The following WARS2 variants were observed in gnomAD, a reference collection of about 807,000 sequenced individuals.
WARS2 encodes tryptophanyl tRNA synthetase 2, mitochondrial, also known as tryptophan--tRNA ligase, mitochondrial.
Under a neutral mutation model 36.5 loss-of-function variants are expected in WARS2, and 28 were observed. That is an observed-to-expected ratio of 0.77 (90% CI 0.57 to 1.05). The LOEUF is 1.05. Ranked by LOEUF, WARS2 falls within the 50% of genes least tolerant of loss-of-function variation. The pLI is 0.00. For missense variants in WARS2, 435 were observed against 456.8 expected, an observed-to-expected ratio of 0.95 and a Z score of 0.44; for synonymous variants, 174 against 178.4, an observed-to-expected ratio of 0.98 and a Z score of 0.20.
At chr1:119,051,187 C>T (rs1018876246) in intron 2 of WARS2, among the ~76,000 whole-genome samples, 4 of 152,032 alleles carry the variant, frequency 2.6e-5, no homozygotes, top group Admixed American at 6.6e-5. Context: ...TCCTCCCATT[C>T]GACACCCTTA....
At chr1:119,123,562 GTTT>G (rs1655463601) in intron 1 of WARS2, among the ~76,000 whole-genome samples, 1 of 149,254 alleles carries the variant, frequency 6.7e-6, no homozygotes, top group Non-Finnish European at 1.5e-5. Flanking sequence ...AGGGGAGGGT[GTTT>G]TTGACTGTGT....
chr1:119,127,497 A>G (rs12133275), intron 1 of WARS2, among the ~76,000 whole-genome samples: 47,817 of 152,114 alleles, frequency 0.31, 9,517 homozygotes, highest in East Asian at 0.52. Context: ...AAAATGAGGT[A>G]CAGAGAGGCT....
chr1:119,042,461 C>G (rs1367815046), intron 3 of WARS2, 112 bp from the exon 4 acceptor site: 25 of 893,078 alleles, frequency 2.8e-5, no homozygotes, highest in Non-Finnish European at 4.5e-5. Context: ...CTGAAGCCAC[C>G]TGTAATAACA....
chr1:119,070,058 T>C (rs1557958659), intron 2 of WARS2, among the ~76,000 whole-genome samples: 1 of 152,226 alleles, frequency 6.6e-6, no homozygotes, highest in South Asian at 2.1e-4. Context: ...CTTAGGCAGC[T>C]AATGAAAAAG....
At chr1:119,129,541 T>C (rs1301510017) in intron 1 of WARS2, among the ~76,000 whole-genome samples, 3 of 151,782 alleles carry the variant, frequency 2.0e-5, no homozygotes, top group Non-Finnish European at 4.4e-5. Flanking sequence ...AGACCTTGTG[T>C]TTAATAAAAA....
At chr1:119,110,263 A>AT (rs1409188652) in intron 1 of WARS2, among the ~76,000 whole-genome samples, 1 of 152,042 alleles carries the variant, frequency 6.6e-6, no homozygotes, top group Non-Finnish European at 1.5e-5. Flanking sequence ...TTTCAGACCT[A>AT]TATCAATTTC....
intron 2 of WARS2, among the ~76,000 whole-genome samples, chr1:119,046,471 C>T (rs561893642): frequency 2.0e-5 from 3 of 151,520 alleles, no homozygotes; most frequent in African/African-American, 7.3e-5. Context: ...CCTCAGCCTC[C>T]TGAGTAGCTG....
At chr1:119,092,445 C>T (rs1653112157) in intron 1 of WARS2, among the ~76,000 whole-genome samples, 1 of 152,168 alleles carries the variant, frequency 6.6e-6, no homozygotes, top group Non-Finnish European at 1.5e-5. Flanking sequence ...CTTACTATCA[C>T]CTGTCTTACT....
chr1:119,085,816 G>A, intron 1 of WARS2: 1 of 1,609,772 alleles, frequency 6.2e-7, no homozygotes, highest in Admixed American at 1.7e-5. Flanking sequence ...CCTTCAGTCA[G>A]CTCATAAGGA....
At chr1:119,087,927 A>G (rs1652788961) in intron 1 of WARS2, among the ~76,000 whole-genome samples, 2 of 152,182 alleles carry the variant, frequency 1.3e-5, no homozygotes, top group Non-Finnish European at 2.9e-5. Context: ...CAGTAGCATC[A>G]TGGCTTGGGA....
At chr1:119,095,729 C>T (rs752735227) in intron 1 of WARS2, among the ~76,000 whole-genome samples, 8 of 152,186 alleles carry the variant, frequency 5.3e-5, no homozygotes, top group Non-Finnish European at 8.8e-5. Flanking sequence ...CTGCACCCAG[C>T]CAGTAGTCCA....
chr1:119,118,379 C>T (rs1321911113), intron 1 of WARS2, among the ~76,000 whole-genome samples: 1 of 151,456 alleles, frequency 6.6e-6, no homozygotes, highest in East Asian at 1.9e-4. Flanking sequence ...CCAACAAAGA[C>T]AAAGAAAAAA....
chr1:119,136,830 A>G (rs1020838214), intron 1 of WARS2, among the ~76,000 whole-genome samples: 11 of 152,230 alleles, frequency 7.2e-5, no homozygotes, highest in Admixed American at 2.6e-4. Context: ...ACCAAAGACT[A>G]TTTCTTCACG....
chr1:119,103,354 C>T (rs1654006257), intron 1 of WARS2, among the ~76,000 whole-genome samples: 1 of 152,138 alleles, frequency 6.6e-6, no homozygotes, highest in South Asian at 2.1e-4. Flanking sequence ...GTACCCATTA[C>T]CTCAGATAGG....
intron 1 of WARS2, among the ~76,000 whole-genome samples, chr1:119,084,166 C>G (rs898987237): frequency 1.8e-4 from 21 of 115,650 alleles, no homozygotes; most frequent in Non-Finnish European, 3.5e-4. Flanking sequence ...GACGCACACA[C>G]AACTACGTCG....
chr1:119,033,160 C>T lies in WARS2; in HGVS notation c.834G>A (p.Val278=). ...GRAGVSNIVA[V]HAAVTGLSVE... is the part of the protein sequence containing the mutation. ...CGGAGAGCCCCGTCACCGCGGCATG[C>T]ACCGCCACTATGTTGGACACGCCAG... Residue 278 remains valine (V), a synonymous_variant, in exon 6 of 6, where the codon GTG becomes GTA. Transcript: ENST00000235521. 1.2e-6 allele frequency: 2 copies of T among 1,614,114 alleles called. No homozygotes were observed. The highest frequency in any genetic ancestry group is 1.7e-6 in the Non-Finnish European group (2 of 1,180,048).
chr1:119,098,926 G>C (rs971258984), intron 1 of WARS2, among the ~76,000 whole-genome samples: 4 of 150,560 alleles, frequency 2.7e-5, no homozygotes, highest in Non-Finnish European at 5.9e-5. Context: ...TAGTAGAAAC[G>C]TGGTTTCACC....
intron 1 of WARS2, among the ~76,000 whole-genome samples, chr1:119,102,635 G>A (rs1443320888): frequency 1.3e-5 from 2 of 151,910 alleles, no homozygotes; most frequent in Non-Finnish European, 2.9e-5. Context: ...CCCATCTTGG[G>A]CCATTTCTCC....
chr1:119,098,021 C>T lies in WARS2; in HGVS notation c.91-21414G>A, dbSNP rs1269859076. Among the ~76,000 whole-genome samples, 4 of 152,044 alleles carry T rather than the reference C, an allele frequency of 2.6e-5. No individual in the cohort carries two copies. The South Asian group carries it at 6.2e-4, about 24-fold the overall frequency. ...ATCTCAGCACTTTGGGAGGCTGAGG[C>T]GGGCATATCACAAGGTCAGGAGTTC... is the stretch of plus-strand genomic sequence containing the variant. On this transcript the variant is annotated intron_variant, in intron 1 of 5. Transcript: ENST00000235521.
Sources: gnomAD v4.1 joint callset for allele counts (sites outside exome capture counted in the v4.1 genomes callset) on GRCh38, gnomAD v4.1.1 for gene constraint, MANE v1.5 for transcripts, NCBI Gene and HGNC (gene_info 2026-07-23, HGNC 2026-07-21) for gene names.